MORN3: variants seen among roughly 807,000 people sequenced by gnomAD.
The protein encoded by MORN3 is MORN repeat containing 3, also known as MORN repeat-containing protein 3.
A neutral mutation model predicts 34.7 loss-of-function variants in MORN3; 38 were observed. The observed-to-expected ratio is 1.10, with a 90% CI of 0.85 to 1.44. The LOEUF (loss-of-function observed/expected upper bound fraction) is 1.44. Among genes scored for constraint, MORN3 ranks in the 40% most tolerant of loss-of-function variants. MORN3 has a pLI of 0.00. For missense variants in MORN3, 311 were observed against 321.7 expected, an observed-to-expected ratio of 0.97 and a Z score of 0.25; for synonymous variants, 109 against 115.3, an observed-to-expected ratio of 0.95 and a Z score of 0.35.
chr12:121,652,236 G>T (rs375603267), intron 5 of MORN3, among the ~76,000 whole-genome samples: 7 of 150,486 alleles, frequency 4.7e-5, no homozygotes, highest in Non-Finnish European at 1.0e-4. Context: ...TGTGCCTGGC[G>T]AGTTTTGTTT....
chr12:121,667,086 A>C (rs887892694), intron 1 of MORN3, among the ~76,000 whole-genome samples: 1 of 143,876 alleles, frequency 7.0e-6, no homozygotes, highest in Non-Finnish European at 1.5e-5. Flanking sequence ...TCAGCCTCCC[A>C]AGTAGCTGGG....
chr12:121,657,608 C>G (rs1555325809), intron 2 of MORN3, among the ~76,000 whole-genome samples: 1 of 152,038 alleles, frequency 6.6e-6, no homozygotes, highest in East Asian at 1.9e-4. Flanking sequence ...TGGCTCATGC[C>G]CGTAATCTTA....
At chr12:121,667,763 G>A (rs568686688) in intron 1 of MORN3, among the ~76,000 whole-genome samples, 7 of 142,564 alleles carry the variant, frequency 4.9e-5, no homozygotes, top group African/African-American at 1.1e-4. Flanking sequence ...TTGCTCTGTC[G>A]CCCAGGCTGG....
chr12:121,665,278 C>CTTTTT lies in MORN3; in HGVS notation c.145+4056_145+4060dup, dbSNP rs767525874. On this transcript the variant is annotated intron_variant, in intron 1 of 5. Coordinates refer to ENST00000355329, the MANE Select transcript of MORN3 (RefSeq NM_173855.5). ...AGATCTCGCGTTTTCTTTTTCTTTC[C>CTTTTT]TTTTTTTTTTTTTTTTTTTTTTTTT... Among the ~76,000 whole-genome samples the CTTTTT allele has an allele frequency of 6.0e-3, 303 of 50,688 alleles. 33 individuals are homozygous for CTTTTT. Among genetic ancestry groups the CTTTTT allele is most frequent in the Non-Finnish European group, 8.0e-3 (229 of 28,720 alleles). The allele number at this position is 50,688 out of a possible 152,430, so 33.3% of individuals were successfully genotyped here.
At chr12:121,659,878 C>A (rs1401153125) in intron 1 of MORN3, among the ~76,000 whole-genome samples, 1 of 151,598 alleles carries the variant, frequency 6.6e-6, no homozygotes, top group Non-Finnish European at 1.5e-5. Context: ...CTGTCTTTTC[C>A]AGGAGAATGT....
At chr12:121,670,664 C>A (rs1192998479), upstream of MORN3, among the ~76,000 whole-genome samples, 1 of 151,300 alleles carries the variant, frequency 6.6e-6, no homozygotes, top group Non-Finnish European at 1.5e-5. Context: ...CAAAAATTAG[C>A]CAGGCCTGGT....
In MORN3 at chr12:121,659,430, C is replaced by T. The variant is rs142800261; in HGVS notation, c.146-82G>A. Reference sequence around the variant, plus strand: ...TGTGCCTGCCTGAGCCTCAGGGGCCCCCAACTAGACGAATCTAGAGAGCTG... The same window carrying T: ...TGTGCCTGCCTGAGCCTCAGGGGCCTCCAACTAGACGAATCTAGAGAGCTG... On this transcript the variant is annotated intron_variant, in intron 1 of 5. Coordinates refer to ENST00000355329, the MANE Select transcript of MORN3 (RefSeq NM_173855.5). 8.0e-4 allele frequency: 1,155 copies of T among 1,451,948 alleles called. 8 individuals carry two copies. In the African/African-American group the frequency reaches 0.013, roughly 16 times the overall value. The allele number at this position is 1,451,948 out of a possible 1,614,324, so 89.9% of individuals were successfully genotyped here. A position where few individuals can be genotyped will look rare whatever the true frequency, so the allele number is the denominator to read the frequency against.
At chr12:121,655,730 AC>A (rs1332749989) in intron 2 of MORN3, among the ~76,000 whole-genome samples, 1 of 149,326 alleles carries the variant, frequency 6.7e-6, no homozygotes, top group Non-Finnish European at 1.5e-5. Flanking sequence ...AAACAAACAA[AC>A]AAAAAACACC....
intron 1 of MORN3, among the ~76,000 whole-genome samples, chr12:121,662,736 G>A (rs1391507060): frequency 1.4e-5 from 2 of 147,186 alleles, no homozygotes; most frequent in African/African-American, 2.5e-5. Context: ...CTGGGCAAGA[G>A]TGAGACTGAA....
intron 2 of MORN3, 30 bp from the exon 3 acceptor site, chr12:121,654,463 G>A (rs782624743): frequency 2.8e-5 from 43 of 1,544,366 alleles, no homozygotes. Context: ...ACTACTCAGG[G>A]CGCCCCCCAA....
intron 1 of MORN3, among the ~76,000 whole-genome samples, chr12:121,668,002 C>T (rs11829285): frequency 0.16 from 24,593 of 151,042 alleles, 2,349 homozygotes; most frequent in South Asian, 0.33. Context: ...GGATTACAGG[C>T]GTGATCCACC....
chr12:121,652,391 A>G (rs145501728), intron 5 of MORN3, among the ~76,000 whole-genome samples: 4,487 of 151,794 alleles, frequency 0.03, 177 homozygotes, highest in East Asian at 0.11. Flanking sequence ...CTGCCACCAC[A>G]CCTGGCTAAC....
chr12:121,662,537 T>C (rs1311592343), intron 1 of MORN3, among the ~76,000 whole-genome samples: 2 of 151,946 alleles, frequency 1.3e-5, no homozygotes, highest in Admixed American at 6.6e-5. Context: ...AGGCGGATGA[T>C]GAGGTCAGGA....
chr12:121,669,190 C>T (rs1472413917), intron 1 of MORN3, 149 bp downstream of exon 1: 39 of 984,658 alleles, frequency 4.0e-5, no homozygotes, highest in Non-Finnish European at 5.7e-5. Flanking sequence ...ATGTGAAGGC[C>T]CCCAGCTGGC....
At chr12:121,662,791 A>T (rs933651349) in intron 1 of MORN3, among the ~76,000 whole-genome samples, 1 of 151,292 alleles carries the variant, frequency 6.6e-6, no homozygotes, top group Non-Finnish European at 1.5e-5. Flanking sequence ...CTGTAATCTC[A>T]GTACTTTAGA....
intron 2 of MORN3, among the ~76,000 whole-genome samples, chr12:121,656,610 C>T (rs1555325729): frequency 1.3e-5 from 2 of 152,098 alleles, no homozygotes; most frequent in Non-Finnish European, 2.9e-5. Context: ...TGCCTCCTGG[C>T]TTCAAGCGAT....
intron 2 of MORN3, among the ~76,000 whole-genome samples, chr12:121,657,937 ACT>A (rs1893457826): frequency 6.6e-6 from 1 of 151,484 alleles, no homozygotes; most frequent in Non-Finnish European, 1.5e-5. Context: ...TGTGTTAATT[ACT>A]CTTTCTCTAT....
chr12:121,668,307 C>A (rs887173990), intron 1 of MORN3, among the ~76,000 whole-genome samples: 3 of 151,700 alleles, frequency 2.0e-5, no homozygotes, highest in African/African-American at 7.2e-5. Flanking sequence ...CTTTGGGAGG[C>A]CGAGGCGGGC....
chr12:121,663,311 G>T (rs925063591), intron 1 of MORN3, among the ~76,000 whole-genome samples: 1 of 150,920 alleles, frequency 6.6e-6, no homozygotes, highest in Non-Finnish European at 1.5e-5. Flanking sequence ...CGATTCTCCT[G>T]TCTCAGCCTC....
Sources: gnomAD v4.1 joint callset for allele counts (sites outside exome capture counted in the v4.1 genomes callset) on GRCh38, gnomAD v4.1.1 for gene constraint, MANE v1.5 for transcripts, NCBI Gene and HGNC (gene_info 2026-07-23, HGNC 2026-07-21) for gene names.